NIM1K: variants seen among roughly 807,000 people sequenced by gnomAD.
The protein encoded by NIM1K is serine/threonine-protein kinase NIM1.
Under a neutral mutation model 37.1 loss-of-function variants are expected in NIM1K, and 35 were observed. The observed-to-expected ratio is 0.94, with a 90% confidence interval of 0.72 to 1.25. The LOEUF is 1.25. NIM1K is among the 50% of genes most tolerant of loss of function. The pLI is 0.00. For synonymous variants in NIM1K, 234 were observed against 206.6 expected (o/e 1.13, Z -1.14); for missense variants, 564 against 548.0 (o/e 1.03, Z -0.29).
chr5:43,222,178 C>T (rs1185736793), intron 1 of NIM1K, among the ~76,000 whole-genome samples: 1 of 152,102 alleles, frequency 6.6e-6, no homozygotes, highest in Non-Finnish European at 1.5e-5. Context: ...CCCACATTCC[C>T]CAGGGGATTG....
At chr5:43,232,298 G>A (rs1752551177) in intron 1 of NIM1K, 2 of 1,182,730 alleles carry the variant, frequency 1.7e-6, no homozygotes, top group East Asian at 5.0e-5. Flanking sequence ...GCAAGCACTG[G>A]CAGTCTCTGC....
intron 1 of NIM1K, among the ~76,000 whole-genome samples, chr5:43,219,146 C>T (rs1752348226): frequency 6.6e-6 from 1 of 152,054 alleles, no homozygotes; most frequent in Non-Finnish European, 1.5e-5. Flanking sequence ...CTGAGGCCTC[C>T]CCAGCCCTGT....
chr5:43,241,386 G>C (rs1036623073), intron 1 of NIM1K, among the ~76,000 whole-genome samples: 5 of 148,742 alleles, frequency 3.4e-5, no homozygotes, highest in African/African-American at 5.0e-5. Context: ...CTGGAGTGCA[G>C]TTGTGCTATC....
chr5:43,249,044 T>TTATA (rs1554015660), intron 2 of NIM1K, among the ~76,000 whole-genome samples: 4 of 139,114 alleles, frequency 2.9e-5, no homozygotes, highest in Non-Finnish European at 6.2e-5. Flanking sequence ...GCTAGTTTAT[T>TTATA]TTTATTTATT....
chr5:43,206,003 C>T (rs552195482), intron 1 of NIM1K, among the ~76,000 whole-genome samples: 137 of 152,278 alleles, frequency 9.0e-4, no homozygotes, highest in African/African-American at 3.2e-3. Flanking sequence ...TGAGCTTCCG[C>T]GCCCGGCCTG....
rs112815593 is a variant in NIM1K, at chr5:43,223,090, G to A, written c.-694-21992G>A. Among the ~76,000 whole-genome samples, 18 of 144,800 alleles carry A rather than the reference G, an allele frequency of 1.2e-4. 1 individual carries two copies. Among genetic ancestry groups the A allele is most frequent in the African/African-American group, 4.6e-4 (18 of 38,892 alleles). The allele number at this position is 144,800 out of a possible 152,430, so 95.0% of individuals were successfully genotyped here. ...GGAGGCAGAGGTTGCAGTGAACCGA[G>A]ATCGTGCCACTGCACTCCAGCCGTG... is the stretch of plus-strand genomic sequence containing the variant. On this transcript the variant is annotated intron_variant, in intron 1 of 3. Transcript: ENST00000326035.
chr5:43,279,230 CCTATGGTT>C (rs1202743943), intron 3 of NIM1K, among the ~76,000 whole-genome samples: 1 of 152,188 alleles, frequency 6.6e-6, no homozygotes, highest in Admixed American at 6.5e-5. Context: ...CTCACCACAG[CCTATGGTT>C]ATCAGTATCC....
intron 2 of NIM1K, among the ~76,000 whole-genome samples, chr5:43,261,087 T>C (rs1483556975): frequency 6.6e-6 from 1 of 152,208 alleles, no homozygotes; most frequent in Non-Finnish European, 1.5e-5. Flanking sequence ...GCATGTGTCT[T>C]TATAGCAGCA....
At chr5:43,220,833 T>C (rs1044390547) in intron 1 of NIM1K, among the ~76,000 whole-genome samples, 3 of 152,178 alleles carry the variant, frequency 2.0e-5, no homozygotes, top group African/African-American at 7.2e-5. Flanking sequence ...GATTACTTTA[T>C]ATAATGTTAA....
intron 1 of NIM1K, among the ~76,000 whole-genome samples, chr5:43,199,388 A>G (rs1751985913): frequency 1.3e-5 from 2 of 151,738 alleles, no homozygotes; most frequent in Non-Finnish European, 2.9e-5. Context: ...GCTTAGCTAG[A>G]AGTTTATTTT....
chr5:43,205,437 T>TA (rs1455821217), intron 1 of NIM1K, among the ~76,000 whole-genome samples: 22 of 152,204 alleles, frequency 1.4e-4, no homozygotes, highest in African/African-American at 5.3e-4. Context: ...CTAGCAACAC[T>TA]ACTCTAACAC....
chr5:43,194,003 CAG>C (rs1471429105), intron 1 of NIM1K, among the ~76,000 whole-genome samples: 2 of 151,842 alleles, frequency 1.3e-5, no homozygotes, highest in African/African-American at 2.4e-5. Context: ...TTTATTTTTT[CAG>C]AGTTTGCAGT....
intron 1 of NIM1K, chr5:43,232,577 C>T: frequency 6.3e-7 from 1 of 1,576,138 alleles, no homozygotes; most frequent in Non-Finnish European, 8.6e-7. Flanking sequence ...AAGACACAAT[C>T]AGAGTGCTCC....
intron 2 of NIM1K, among the ~76,000 whole-genome samples, chr5:43,264,581 A>T (rs921118157): frequency 6.6e-6 from 1 of 152,186 alleles, no homozygotes; most frequent in African/African-American, 2.4e-5. Context: ...CCAATTTGCC[A>T]GTCTATGTCT....
intron 2 of NIM1K, among the ~76,000 whole-genome samples, chr5:43,268,691 T>G (rs1254389150): frequency 6.6e-6 from 1 of 152,206 alleles, no homozygotes; most frequent in Non-Finnish European, 1.5e-5. Context: ...ATCCACACCT[T>G]AGCAGAATTC....
chr5:43,250,446 C>T (rs960233873), intron 2 of NIM1K, among the ~76,000 whole-genome samples: 1 of 152,108 alleles, frequency 6.6e-6, no homozygotes, highest in Non-Finnish European at 1.5e-5. Flanking sequence ...TTTGCATATA[C>T]GTATGATTTC....
intron 1 of NIM1K, among the ~76,000 whole-genome samples, chr5:43,238,776 A>G (rs1752656031): frequency 6.6e-6 from 1 of 151,742 alleles, no homozygotes; most frequent in Non-Finnish European, 1.5e-5. Context: ...AAAGAGGAGT[A>G]GCCAACCTCG....
intron 1 of NIM1K, chr5:43,232,395 C>T (rs1752552453): frequency 2.1e-6 from 3 of 1,427,988 alleles, no homozygotes; most frequent in Non-Finnish European, 2.0e-6. Flanking sequence ...GGATAGGCCA[C>T]CAGCTTGGTC....
At chr5:43,218,726 T>TC (rs1459106067) in intron 1 of NIM1K, among the ~76,000 whole-genome samples, 1 of 139,752 alleles carries the variant, frequency 7.2e-6, no homozygotes, top group Admixed American at 7.0e-5. Context: ...CTTCTTTTCT[T>TC]TTTTTTTTTT....
Sources: allele counts gnomAD v4.1 joint callset (sites outside exome capture counted in the v4.1 genomes callset), GRCh38; gene constraint gnomAD v4.1.1; transcripts MANE v1.5; gene names NCBI Gene and HGNC (gene_info 2026-07-23, HGNC 2026-07-21).